The following UNC5B variants were observed in gnomAD, a reference collection of about 807,000 sequenced individuals.
UNC5B encodes the protein unc-5 netrin receptor B.
A neutral mutation model predicts 103.7 loss-of-function variants in UNC5B; 56 were observed. The observed-to-expected ratio is 0.54, with a 90% confidence interval of 0.44 to 0.67. The LOEUF (loss-of-function observed/expected upper bound fraction) is 0.67. UNC5B is among the 30% of genes least tolerant of loss of function. The pLI is 0.00. For missense variants in UNC5B, 1,194 were observed against 1,284.5 expected, an observed-to-expected ratio of 0.93 and a Z score of 1.08; for synonymous variants, 577 against 542.0, an observed-to-expected ratio of 1.06 and a Z score of -0.90.
Position 71,291,648 on chromosome 10 carries a change from G to C in UNC5B, c.1511G>C (p.Gly504Ala). ...PGLADGADLL[G>A]VLPPGTYPSD... ...CTGGCAGATGGGGCTGACCTGCTGGGGGTCTTGCCGCCTGGCACATACCCT... is the reference window on the plus strand; with the variant it reads ...CTGGCAGATGGGGCTGACCTGCTGGCGGTCTTGCCGCCTGGCACATACCCT... The change falls in exon 10 of 17, where the codon GGG becomes GCG. Residue 504 changes from glycine (G) to alanine (A), a missense_variant. By Grantham distance (60) the Gly-to-Ala change is moderately conservative. Coordinates refer to ENST00000335350, the MANE Select transcript of UNC5B (RefSeq NM_170744.5). 1 of 1,613,892 alleles carries C rather than the reference G, an allele frequency of 6.2e-7. No individual in the cohort carries two copies. Among genetic ancestry groups the C allele is most frequent in the Non-Finnish European group, 8.5e-7 (1 of 1,180,036 alleles).
In UNC5B at chr10:71,299,477, T is replaced by G. The variant is rs1243463089; in HGVS notation, c.*200T>G. 1.7e-6 allele frequency: 1 copy of G among 603,402 alleles called. No homozygotes were observed. Among genetic ancestry groups the G allele is most frequent in the Non-Finnish European group, 2.8e-6 (1 of 353,114 alleles). The allele number at this position is 603,402 out of a possible 1,614,324, so 37.4% of individuals were successfully genotyped here. The stretch of plus-strand genomic sequence containing the variant: ...TACTCTGTTGTTAGAGGGCCCAGAG[T>G]TCCTTCTCCACCCCCGCTCTCTCTC... On this transcript the variant is annotated 3_prime_UTR_variant, in exon 17 of 17. Coordinates refer to ENST00000335350, the MANE Select transcript of UNC5B (RefSeq NM_170744.5).
At chr10:71,285,102 C>T (rs1001880646) in intron 3 of UNC5B, among the ~76,000 whole-genome samples, 3 of 152,204 alleles carry the variant, frequency 2.0e-5, no homozygotes, top group Non-Finnish European at 2.9e-5. Context: ...CCATCCTGAG[C>T]CACTATATGC....
At chr10:71,244,854 G>A (rs1002663273) in intron 1 of UNC5B, among the ~76,000 whole-genome samples, 3 of 152,182 alleles carry the variant, frequency 2.0e-5, no homozygotes, top group East Asian at 1.9e-4. Context: ...GACTGTGGGC[G>A]ACCATGGCAC....
intron 1 of UNC5B, among the ~76,000 whole-genome samples, chr10:71,263,258 G>T (rs59079404): frequency 0.097 from 14,841 of 152,222 alleles, 821 homozygotes; most frequent in East Asian, 0.15. Flanking sequence ...GAACTGTGTG[G>T]CCTCAGGCTA....
chr10:71,237,967 G>A (rs1273060719), intron 1 of UNC5B, among the ~76,000 whole-genome samples: 3 of 152,186 alleles, frequency 2.0e-5, no homozygotes, highest in East Asian at 3.9e-4. Flanking sequence ...TGGGGATCAA[G>A]GGGCTTCCTG....
intron 1 of UNC5B, among the ~76,000 whole-genome samples, chr10:71,246,455 G>C (rs575854177): frequency 6.6e-6 from 1 of 152,270 alleles, no homozygotes; most frequent in East Asian, 1.9e-4. Flanking sequence ...GAAGCACCCT[G>C]TGGGCTCTCT....
rs114756094 is a variant in UNC5B at position 71,266,108 on chromosome 10, C to A, written c.80-13713C>A. Among the ~76,000 whole-genome samples, 483 of 152,236 alleles carry A rather than the reference C, an allele frequency of 3.2e-3. 1 individual carries two copies. The highest frequency in any genetic ancestry group is 0.01 in the African/African-American group (424 of 41,534). ...ACCCCTACCTCATACTTCCTTATCC[C>A]TCCTCAAGAAATCCCTAGAAGGGAA... On this transcript the variant is annotated intron_variant, in intron 1 of 16. Transcript: ENST00000335350.
chr10:71,279,699 C>T, intron 1 of UNC5B, 122 bp from the exon 2 acceptor site: 2 of 1,078,348 alleles, frequency 1.9e-6, no homozygotes, highest in Non-Finnish European at 2.7e-6. Context: ...CAGGAGGGCT[C>T]TGGCTGCCCC....
chr10:71,277,262 C>T (rs1468480648), intron 1 of UNC5B, among the ~76,000 whole-genome samples: 2 of 152,262 alleles, frequency 1.3e-5, no homozygotes, highest in African/African-American at 4.8e-5. Flanking sequence ...CCATGGGCCC[C>T]CATGCCCCTT....
chr10:71,228,748 C>T lies in UNC5B; in HGVS notation c.79+15684C>T, dbSNP rs1460607100. Reference sequence around the variant, plus strand: ...GGCTTGAGCACCCGAGGGGCACCCACGGGGCCTCCTCTGTGCCCACCTTGG... The same window carrying T: ...GGCTTGAGCACCCGAGGGGCACCCATGGGGCCTCCTCTGTGCCCACCTTGG... On this transcript the variant is annotated intron_variant, in intron 1 of 16. Coordinates refer to ENST00000335350, the MANE Select transcript of UNC5B (RefSeq NM_170744.5). 5.9e-5 allele frequency among the ~76,000 whole-genome samples: 9 copies of T among 152,238 alleles called. No homozygotes were observed. The East Asian group carries it at 1.7e-3, about 29-fold the overall frequency.
rs1258604033 is a variant in UNC5B at position 71,284,713 on chromosome 10, C to T, written c.305-7C>T. 6.2e-7 allele frequency: 1 copy of T among 1,613,242 alleles called. No homozygotes were observed. Among genetic ancestry groups the T allele is most frequent in the Non-Finnish European group, 8.5e-7 (1 of 1,180,014 alleles). On this transcript the variant is annotated splice_region_variant and splice_polypyrimidine_tract_variant and intron_variant, in intron 2 of 16. Coordinates refer to ENST00000335350, the MANE Select transcript of UNC5B (RefSeq NM_170744.5). ...TGCCCCCTGACGGCTCTCTCTTCTC[C>T]TCCCAGGCCTGCGGGTGCGCGAGGT...
chr10:71,265,128 G>A (rs959162113), intron 1 of UNC5B, among the ~76,000 whole-genome samples: 1 of 152,184 alleles, frequency 6.6e-6, no homozygotes, highest in Non-Finnish European at 1.5e-5. Flanking sequence ...AAGAGTTGCG[G>A]GGAGGGTTCA....
At chr10:71,262,108 C>T (rs1471409386) in intron 1 of UNC5B, among the ~76,000 whole-genome samples, 1 of 152,116 alleles carries the variant, frequency 6.6e-6, no homozygotes, top group African/African-American at 2.4e-5. Context: ...CTGGCTTCTC[C>T]ATAAACTCCT....
In UNC5B at chr10:71,212,918, G is replaced by A; in HGVS notation, c.-68G>A. 3 of 1,197,908 alleles carry A rather than the reference G, an allele frequency of 2.5e-6. No individual in the cohort carries two copies. The highest frequency in any genetic ancestry group is 3.1e-6 in the Non-Finnish European group (3 of 953,182). The allele number at this position is 1,197,908 out of a possible 1,614,324, so 74.2% of individuals were successfully genotyped here. A position where few individuals can be genotyped will look rare whatever the true frequency, so the allele number is the denominator to read the frequency against. On this transcript the variant is annotated 5_prime_UTR_variant, in exon 1 of 17. Transcript: ENST00000335350. ...AGGAGGAGGCGGCGGCGGCGGAGAC[G>A]GCGGCGGCGAGACTGGGGCCAGGGA...
intron 11 of UNC5B, 44 bp downstream of exon 11, chr10:71,292,598 C>T (rs1845294899): frequency 1.3e-6 from 2 of 1,536,682 alleles, no homozygotes; most frequent in Admixed American, 1.9e-5. Flanking sequence ...TCCTCCCATC[C>T]CTTGCTGCCT....
rs974236410 is a variant in UNC5B, at chr10:71,213,607, G to T, written c.79+543G>T. On this transcript the variant is annotated intron_variant, in intron 1 of 16. Coordinates refer to ENST00000335350, the MANE Select transcript of UNC5B (RefSeq NM_170744.5). This position sits in a 1 kb window ranked among gnomAD's most constrained non-coding sequence, Gnocchi z 4.1. ...CGGCAGGCCGGCTTGCAGGGCTCCT[G>T]AAGCGGGGAGGGCTAAGTCTTGCAC... is the stretch of plus-strand genomic sequence containing the variant. Among the ~76,000 whole-genome samples, 4 of 152,054 alleles carry T rather than the reference G, an allele frequency of 2.6e-5. No homozygotes were observed. Among genetic ancestry groups the T allele is most frequent in the African/African-American group, 9.7e-5 (4 of 41,386 alleles).
rs1241685102 is a variant in UNC5B, at chr10:71,301,787, A to G, written c.*2510A>G. The G allele has an allele frequency of 2.0e-5, 3 of 152,186 alleles. No individual in the cohort carries two copies. Among genetic ancestry groups the G allele is most frequent in the Non-Finnish European group, 2.9e-5 (2 of 68,038 alleles). The allele number at this position is 152,186 out of a possible 1,614,324, so 9.4% of individuals were successfully genotyped here. A position where few individuals can be genotyped will look rare whatever the true frequency, so the allele number is the denominator to read the frequency against. ...GGGCTTCAGTGTCCTTTTCATACCT[A>G]GAAGTCTGCGGTCTGAGGCTCTTTG... On this transcript the variant is annotated 3_prime_UTR_variant, in exon 17 of 17. Coordinates refer to ENST00000335350, the MANE Select transcript of UNC5B (RefSeq NM_170744.5).
chr10:71,290,217 C>T (rs544931542), intron 8 of UNC5B, among the ~76,000 whole-genome samples: 1 of 152,312 alleles, frequency 6.6e-6, no homozygotes, highest in South Asian at 2.1e-4. Context: ...GATTTTCTAC[C>T]ACTGTAGAAA....
rs543529275 is a variant in UNC5B at position 71,229,454 on chromosome 10, C to T, written c.79+16390C>T. 3.4e-4 allele frequency among the ~76,000 whole-genome samples: 52 copies of T among 152,314 alleles called. 2 individuals are homozygous for T. The South Asian group carries it at 8.7e-3, about 25-fold the overall frequency. On this transcript the variant is annotated intron_variant, in intron 1 of 16. Coordinates refer to ENST00000335350, the MANE Select transcript of UNC5B (RefSeq NM_170744.5). ...TTACACCCTTGACAGTGTCCTCCTCCGCCCCTGCCCCTGGATCCTGAGGAG... is the reference window on the plus strand; with the variant it reads ...TTACACCCTTGACAGTGTCCTCCTCTGCCCCTGCCCCTGGATCCTGAGGAG...
Sources: allele counts gnomAD v4.1 joint callset (sites outside exome capture counted in the v4.1 genomes callset), GRCh38; gene constraint gnomAD v4.1.1; non-coding constraint Gnocchi (gnomAD v3.1); transcripts MANE v1.5; gene names NCBI Gene and HGNC (gene_info 2026-07-23, HGNC 2026-07-21).